Variants in TCF20 observed in about 807,000 individuals in gnomAD.
The protein encoded by TCF20 is transcription factor 20.
In TCF20, 3 loss-of-function variants were observed where a neutral mutation model predicts 148.6. That is an observed-to-expected ratio of 0.02 (90% confidence interval 0.01 to 0.05). The LOEUF is 0.05. Among genes scored for constraint, TCF20 ranks in the 10% least tolerant of loss-of-function variants. The pLI, the probability that TCF20 is intolerant of heterozygous loss-of-function variation, is 1.00. For synonymous variants in TCF20, 1,049 were observed against 909.5 expected, an observed-to-expected ratio of 1.15 and a Z score of -2.76; for missense variants, 2,350 against 2,429.3, an observed-to-expected ratio of 0.97 and a Z score of 0.69.
At position 42,212,726 on chromosome 22, in the gene TCF20, G is replaced by A. The variant is rs147254163; in HGVS notation, c.2580C>T (p.Leu860=). 5 of 1,614,108 alleles carry A rather than the reference G, an allele frequency of 3.1e-6. No individual in the cohort carries two copies. The Admixed American group carries it at 8.3e-5, about 27-fold the overall frequency. The change falls in exon 2 of 6, where the codon CTC becomes CTT. Residue 860 remains leucine, a synonymous_variant. Coordinates refer to ENST00000677622, the MANE Select transcript of TCF20 (RefSeq NM_001378418.1). The part of the protein sequence containing the change: ...QSSAHEPGGS[L]SERRSVICDI... ...CACAGATCACTGATCTTCTTTCAGA[G>A]AGGGAACCCCCAGGCTCATGTGCTG...
rs201624158 is a variant in TCF20 at position 42,210,491 on chromosome 22, C to T, written c.4815G>A (p.Val1605=). The T allele has an allele frequency of 1.3e-3, 2,020 of 1,614,222 alleles. 51 individuals carry two copies. In the South Asian group the frequency reaches 0.021, roughly 17 times the overall value. Residue 1605 remains valine, a synonymous_variant, in exon 2 of 6, where the codon GTG becomes GTA. Transcript: ENST00000677622. The surrounding 1 kb of genome is among the most constrained non-coding windows in gnomAD (Gnocchi z 4.7). ...GTTTGATCTCAGGTTCTTGGGGTTC[C>T]ACAATGGGAACTGCTTGTTTGGTTT... ...KRKTKQAVPI[V]EPQEPEIKLK...
chr22:42,283,506 C>T (rs377431510), intron 1 of TCF20, among the ~76,000 whole-genome samples: 2 of 152,318 alleles, frequency 1.3e-5, no homozygotes, highest in East Asian at 1.9e-4. Context: ...CCCCGAGCAG[C>T]CCCCTCGGGC....
chr22:42,250,646 T>G (rs193098349), intron 1 of TCF20, among the ~76,000 whole-genome samples: 1 of 152,194 alleles, frequency 6.6e-6, no homozygotes, highest in Non-Finnish European at 1.5e-5. Flanking sequence ...AGTTACAAAA[T>G]GTAACACCCA....
chr22:42,272,132 G>A (rs1926644119), upstream of TCF20, among the ~76,000 whole-genome samples: 1 of 152,228 alleles, frequency 6.6e-6, no homozygotes, highest in South Asian at 2.1e-4. Flanking sequence ...CCTCCTGCAT[G>A]CCAGGCTCTT....
rs762883496 is a variant in TCF20 at position 42,299,663 on chromosome 22, G to A, written c.-37+43816C>T. Among the ~76,000 whole-genome samples, 3 of 152,228 alleles carry A rather than the reference G, an allele frequency of 2.0e-5. No homozygotes were observed. Among genetic ancestry groups the A allele is most frequent in the Non-Finnish European group, 2.9e-5 (2 of 68,010 alleles). On this transcript the variant is annotated intron_variant, in intron 1 of 1. Coordinates refer to the TCF20 transcript ENST00000515426. The surrounding 1 kb of genome is among the most constrained non-coding windows in gnomAD (Gnocchi z 4.1). ...TCCCCGAACGCAGGCCCCCCTGCCC[G>A]CACCCCAACACTTCAAGACCTCCTA...
In TCF20 at chr22:42,342,602, G is replaced by C. The variant is rs148045132; in HGVS notation, c.-37+877C>G. 4.2e-3 allele frequency among the ~76,000 whole-genome samples: 636 copies of C among 152,342 alleles called. 4 individuals carry two copies. Among genetic ancestry groups the C allele is most frequent in the African/African-American group, 0.014 (597 of 41,584 alleles). ...AGGAGAGGAGGCAGGGGCCTGCCAA[G>C]GGCCGGGTGTGTGGCTAGGCAGCCC... On this transcript the variant is annotated intron_variant, in intron 1 of 1. Coordinates refer to the TCF20 transcript ENST00000515426.
chr22:42,189,197 GGCA>G (rs1937203058), intron 2 of TCF20, among the ~76,000 whole-genome samples: 1 of 152,184 alleles, frequency 6.6e-6, no homozygotes, highest in African/African-American at 2.4e-5. Context: ...GCATACAAGA[GGCA>G]GCATAGACTT....
At chr22:42,260,818 C>T (rs1257630526) in intron 1 of TCF20, among the ~76,000 whole-genome samples, 1 of 152,158 alleles carries the variant, frequency 6.6e-6, no homozygotes, top group Non-Finnish European at 1.5e-5. Context: ...CGAACAGAAC[C>T]TGCTGAGCAA....
rs1240831880 is a variant in TCF20, at chr22:42,212,362, C to G, written c.2944G>C (p.Asp982His). ...CGCCGCATTGGCGTGGGTCTGCTGT[C>G]TTGCGGGCCATAGTCTGAAAGGGAA... The part of the protein sequence containing the change: ...HDSLSDYGPQ[D>H]SRPTPMRRVP... Residue 982 changes from aspartate (D) to histidine (H), a missense_variant, in exon 2 of 6, where the codon GAC becomes CAC. Physicochemically the swap from Asp to His is moderately conservative, Grantham distance 81. Transcript: ENST00000677622. 1 of 1,614,134 alleles carries G rather than the reference C, an allele frequency of 6.2e-7. No homozygotes were observed. The highest frequency in any genetic ancestry group is 8.5e-7 in the Non-Finnish European group (1 of 1,180,054).
chr22:42,181,733 C>T (rs1222222925), intron 2 of TCF20, among the ~76,000 whole-genome samples: 1 of 151,710 alleles, frequency 6.6e-6, no homozygotes, highest in Non-Finnish European at 1.5e-5. Flanking sequence ...CTCAGCCTCC[C>T]GAGTAGCTGA....
rs1454635361 is a variant in TCF20 at position 42,160,575 on chromosome 22, A to G, written c.*828T>C. 6.6e-6 allele frequency: 1 copy of G among 152,510 alleles called. No homozygotes were observed. Among genetic ancestry groups the G allele is most frequent in the African/African-American group, 2.4e-5 (1 of 41,378 alleles). The allele number at this position is 152,510 out of a possible 1,614,324, so 9.4% of individuals were successfully genotyped here. On this transcript the variant is annotated 3_prime_UTR_variant, in exon 6 of 6. Transcript: ENST00000677622. ...GGGGTCCTTGAGGTCCTCACCAGCC[A>G]CAGTGACCCAGGACACAGCTATGAC...
At chr22:42,199,951 G>C (rs927424666) in intron 2 of TCF20, among the ~76,000 whole-genome samples, 9 of 88,456 alleles carry the variant, frequency 1.0e-4, no homozygotes, top group African/African-American at 4.6e-4. Context: ...GTATCTTTTT[G>C]GGATTCTCTG....
chr22:42,315,576 C>T (rs1026861357), intron 1 of TCF20, among the ~76,000 whole-genome samples: 2 of 152,198 alleles, frequency 1.3e-5, no homozygotes, highest in African/African-American at 4.8e-5. Flanking sequence ...GGCCATGGGG[C>T]CAACACTGAG....
chr22:42,295,220 A>G (rs1227525576), intron 1 of TCF20, among the ~76,000 whole-genome samples: 1 of 152,128 alleles, frequency 6.6e-6, no homozygotes, highest in African/African-American at 2.4e-5. Flanking sequence ...TTTGAGGTGA[A>G]GCATACAGCT....
rs73887964 is a variant in TCF20, at chr22:42,199,341, C to G, written c.5655+10310G>C. 4.5e-3 allele frequency among the ~76,000 whole-genome samples: 691 copies of G among 152,146 alleles called. 2 individuals carry two copies. The highest frequency in any genetic ancestry group is 0.016 in the African/African-American group (647 of 41,492). On this transcript the variant is annotated intron_variant, in intron 2 of 5. Transcript: ENST00000677622. ...CTTCCTATGGGCAGAGCGACGATTC[C>G]CACTTCAGAGCCCATTTCACCATAG...
chr22:42,241,154 G>C (rs1249691642), intron 1 of TCF20, among the ~76,000 whole-genome samples: 1 of 152,184 alleles, frequency 6.6e-6, no homozygotes, highest in Non-Finnish European at 1.5e-5. Flanking sequence ...CAGCGCGCCT[G>C]GGCTTCAACT....
At chr22:42,169,765 C>CCAA in intron 4 of TCF20, 82 bp downstream of exon 4, 3 of 1,487,000 alleles carry the variant, frequency 2.0e-6, no homozygotes, top group Non-Finnish European at 2.8e-6. Context: ...GTGAGGCCCA[C>CCAA]CAACACCTGG....
At chr22:42,330,974 C>A (rs867980944) in intron 1 of TCF20, among the ~76,000 whole-genome samples, 31 of 152,186 alleles carry the variant, frequency 2.0e-4, no homozygotes, top group Admixed American at 3.9e-4. Flanking sequence ...GCCCCACAGC[C>A]CACCCAGGGC....
chr22:42,329,817 C>A (rs1927940379), intron 1 of TCF20, among the ~76,000 whole-genome samples: 1 of 152,144 alleles, frequency 6.6e-6, no homozygotes, highest in South Asian at 2.1e-4. Flanking sequence ...CCTTCCTCCC[C>A]CTGCCTGCCT....
Sources: gnomAD v4.1 joint callset for allele counts (sites outside exome capture counted in the v4.1 genomes callset) on GRCh38, gnomAD v4.1.1 for gene constraint, Gnocchi (gnomAD v3.1) non-coding constraint, MANE v1.5 for transcripts, NCBI Gene and HGNC (gene_info 2026-07-23, HGNC 2026-07-21) for gene names.